Variants in ARHGAP15 observed in about 807,000 individuals in gnomAD.
The protein encoded by ARHGAP15 is Rho GTPase activating protein 15.
Under a neutral mutation model 63.7 loss-of-function variants are expected in ARHGAP15, and 51 were observed. The ratio of observed to expected loss-of-function variants is 0.80; its 90% CI spans 0.64 to 1.01. The LOEUF (loss-of-function observed/expected upper bound fraction) is 1.01, where lower values mean the gene tolerates loss of function less well. Among genes scored for constraint, ARHGAP15 ranks in the 50% least tolerant of loss-of-function variants. The probability of loss-of-function intolerance (pLI) is 0.00; values close to 1 mark genes in which losing one functional copy is unlikely to be tolerated. For synonymous variants in ARHGAP15, 191 were observed against 193.8 expected, an observed-to-expected ratio of 0.99 and a Z score of 0.12; for missense variants, 560 against 564.6, an observed-to-expected ratio of 0.99 and a Z score of 0.08.
At chr2:143,149,343 A>T (rs1416282664) in intron 1 of ARHGAP15, among the ~76,000 whole-genome samples, 1 of 151,994 alleles carries the variant, frequency 6.6e-6, no homozygotes, top group Non-Finnish European at 1.5e-5. Context: ...ATGAAATGGG[A>T]ATTCCCTGGG....
At chr2:143,380,000 A>T (rs574396823) in intron 6 of ARHGAP15, among the ~76,000 whole-genome samples, 1 of 152,060 alleles carries the variant, frequency 6.6e-6, no homozygotes, top group Admixed American at 6.6e-5. Flanking sequence ...AAAGCAGTAT[A>T]GTAGGTACTT....
intron 13 of ARHGAP15, among the ~76,000 whole-genome samples, chr2:143,746,503 G>A (rs1277537433): frequency 6.6e-6 from 1 of 152,160 alleles, no homozygotes; most frequent in Non-Finnish European, 1.5e-5. Context: ...ATATTGGGGA[G>A]TACCTCACTT....
intron 12 of ARHGAP15, among the ~76,000 whole-genome samples, chr2:143,701,284 A>G (rs941968658): frequency 1.3e-5 from 2 of 152,224 alleles, no homozygotes; most frequent in Non-Finnish European, 2.9e-5. Context: ...GCCAGTTTCT[A>G]AACTAACTCT....
intron 6 of ARHGAP15, among the ~76,000 whole-genome samples, chr2:143,277,239 C>A (rs2105070117): frequency 6.6e-6 from 1 of 150,410 alleles, no homozygotes; most frequent in East Asian, 2.1e-4. Context: ...GTTTATTTTT[C>A]ATTTGTTGCA....
chr2:143,261,945 G>A (rs1324206081), intron 6 of ARHGAP15, among the ~76,000 whole-genome samples: 4 of 152,138 alleles, frequency 2.6e-5, no homozygotes, highest in African/African-American at 9.7e-5. Context: ...TAGCTCCTGA[G>A]CCTTTGGTTT....
At chr2:143,130,330 A>G (rs1292001421) in intron 1 of ARHGAP15, among the ~76,000 whole-genome samples, 1 of 152,112 alleles carries the variant, frequency 6.6e-6, no homozygotes, top group East Asian at 1.9e-4. Context: ...ACATATGTGC[A>G]GAAAACATCA....
At chr2:143,583,413 C>T (rs1292345687) in intron 11 of ARHGAP15, among the ~76,000 whole-genome samples, 2 of 152,122 alleles carry the variant, frequency 1.3e-5, no homozygotes, top group Admixed American at 6.6e-5. Flanking sequence ...ATAACATTGT[C>T]ATTTGTTTAA....
intron 6 of ARHGAP15, among the ~76,000 whole-genome samples, chr2:143,330,116 A>C (rs1476341358): frequency 1.2e-5 from 1 of 86,862 alleles, no homozygotes; most frequent in Non-Finnish European, 2.3e-5. Flanking sequence ...AAAAAAAAAA[A>C]AAAAAAAAAA....
chr2:143,487,078 T>C (rs1408884645), intron 8 of ARHGAP15, among the ~76,000 whole-genome samples: 1 of 152,206 alleles, frequency 6.6e-6, no homozygotes, highest in African/African-American at 2.4e-5. Flanking sequence ...ATTTTGTGCA[T>C]AAATACATGG....
chr2:143,497,097 G>A (rs1440168112), intron 9 of ARHGAP15, among the ~76,000 whole-genome samples: 1 of 152,150 alleles, frequency 6.6e-6, no homozygotes, highest in Non-Finnish European at 1.5e-5. Flanking sequence ...AACAAGTGGA[G>A]GCAGGCTTTG....
Position 143,594,936 on chromosome 2 carries a change from C to T in ARHGAP15, c.1004-29197C>T, listed in dbSNP as rs190306903. ...ATCAAAGTTAACATCTATAATCACC[C>T]CCTGCTTACATTGTTCAGTTTTAGG... On this transcript the variant is annotated intron_variant, in intron 11 of 13. Coordinates refer to ENST00000295095, the MANE Select transcript of ARHGAP15 (RefSeq NM_018460.4). Among the ~76,000 whole-genome samples the T allele has an allele frequency of 1.5e-3, 234 of 152,202 alleles. 2 individuals are homozygous for T. The highest frequency in any genetic ancestry group is 5.6e-3 in the African/African-American group (232 of 41,544).
At chr2:143,520,880 C>T (rs1447417428) in intron 10 of ARHGAP15, among the ~76,000 whole-genome samples, 2 of 152,144 alleles carry the variant, frequency 1.3e-5, no homozygotes, top group African/African-American at 2.4e-5. Flanking sequence ...AGAAGCGCTC[C>T]ATTCCTCCCG....
intron 13 of ARHGAP15, among the ~76,000 whole-genome samples, chr2:143,708,391 T>C (rs1574869096): frequency 6.6e-6 from 1 of 152,192 alleles, no homozygotes; most frequent in African/African-American, 2.4e-5. Flanking sequence ...GCAGGCTAAA[T>C]TACTGCTAAA....
At chr2:143,641,888 C>A (rs535590901) in intron 12 of ARHGAP15, among the ~76,000 whole-genome samples, 7 of 152,064 alleles carry the variant, frequency 4.6e-5, no homozygotes, top group Admixed American at 4.6e-4. Context: ...GAGATATGCA[C>A]CAGGATGTAT....
chr2:143,191,048 C>T (rs745887660), intron 2 of ARHGAP15, among the ~76,000 whole-genome samples: 6 of 152,198 alleles, frequency 3.9e-5, no homozygotes, highest in South Asian at 2.1e-4. Context: ...GGATTACAGG[C>T]GTGAGCCACC....
intron 13 of ARHGAP15, among the ~76,000 whole-genome samples, chr2:143,747,217 A>G (rs1014707530): frequency 1.3e-5 from 2 of 151,992 alleles, no homozygotes; most frequent in Admixed American, 1.3e-4. Context: ...CTGCACGCTC[A>G]GCACGTGTAT....
intron 9 of ARHGAP15, among the ~76,000 whole-genome samples, chr2:143,514,171 C>T (rs1282967840): frequency 6.6e-6 from 1 of 152,132 alleles, no homozygotes; most frequent in Admixed American, 6.6e-5. Flanking sequence ...GGAGATGGTG[C>T]ATCATTACAT....
chr2:143,231,249 A>G (rs1574125053), intron 5 of ARHGAP15, among the ~76,000 whole-genome samples: 1 of 152,076 alleles, frequency 6.6e-6, no homozygotes, highest in African/African-American at 2.4e-5. Flanking sequence ...TTATTATATC[A>G]TATGCTATTA....
chr2:143,490,656 T>A (rs1281774468), intron 9 of ARHGAP15, among the ~76,000 whole-genome samples: 10 of 152,212 alleles, frequency 6.6e-5, no homozygotes, highest in Non-Finnish European at 2.9e-5. Context: ...AGGCTCACTC[T>A]GTCGCCCAGG....
Sources: gnomAD v4.1 joint callset for allele counts (sites outside exome capture counted in the v4.1 genomes callset) on GRCh38, gnomAD v4.1.1 for gene constraint, MANE v1.5 for transcripts, NCBI Gene and HGNC (gene_info 2026-07-23, HGNC 2026-07-21) for gene names.